The following CHN2 variants were observed in gnomAD, a reference collection of about 807,000 sequenced individuals.
CHN2 encodes the protein chimerin 2.
A neutral mutation model predicts 56.3 loss-of-function variants in CHN2; 35 were observed. That is an observed-to-expected ratio of 0.62 (90% CI 0.47 to 0.82). The LOEUF (loss-of-function observed/expected upper bound fraction) is 0.82, where lower values mean the gene tolerates loss of function less well. Among genes scored for constraint, CHN2 ranks in the 40% least tolerant of loss-of-function variants. CHN2 has a pLI of 0.00. For missense variants in CHN2, 491 were observed against 580.5 expected (o/e 0.85, Z 1.58); for synonymous variants, 210 against 212.8 (o/e 0.99, Z 0.12).
chr7:29,384,065 G>T (rs1350549856), intron 3 of CHN2, among the ~76,000 whole-genome samples: 2 of 152,136 alleles, frequency 1.3e-5, no homozygotes, highest in Admixed American at 1.3e-4. Flanking sequence ...TCTAGCTTGG[G>T]CATTGAGTGG....
chr7:29,305,805 T>TTCCTCCTCGTCTTTCTCC (rs1554397328), intron 1 of CHN2, among the ~76,000 whole-genome samples: 47 of 130,710 alleles, frequency 3.6e-4, no homozygotes, highest in African/African-American at 7.1e-4. Flanking sequence ...CTCCCGTTCC[T>TTCCTCCTCGTCTTTCTCC]TCCTCCTCGT....
chr7:29,176,988 GA>G (rs946292652), intron 2 of CHN2, among the ~76,000 whole-genome samples: 36 of 151,460 alleles, frequency 2.4e-4, no homozygotes, highest in African/African-American at 7.7e-4. Context: ...AAATGGGAAT[GA>G]AAAAAAATCA....
chr7:29,509,844 C>CAAA (rs34925686), intron 12 of CHN2, among the ~76,000 whole-genome samples: 80 of 134,154 alleles, frequency 6.0e-4, no homozygotes, highest in East Asian at 1.8e-3. Flanking sequence ...GACTCCATCT[C>CAAA]AAAAAAAAAA....
chr7:29,405,114 G>A (rs1486715655), intron 6 of CHN2, among the ~76,000 whole-genome samples: 2 of 143,004 alleles, frequency 1.4e-5, no homozygotes, highest in Non-Finnish European at 3.0e-5. Flanking sequence ...ATACATTAAA[G>A]CATACCCTGA....
chr7:29,483,082 A>C (rs1251292128), intron 7 of CHN2, among the ~76,000 whole-genome samples: 1 of 151,674 alleles, frequency 6.6e-6, no homozygotes. Flanking sequence ...CGGCCTCCCA[A>C]AGTGCTAGGA....
rs529446117 is a variant in CHN2 at position 29,195,470 on chromosome 7, A to G, written c.49+480A>G. On this transcript the variant is annotated intron_variant, in intron 1 of 12. Transcript: ENST00000222792. Reference sequence around the variant, plus strand: ...TTTGTTTGTTTCAGAAATTAGCTCTATGGAGACACTCGCTTGGGCATGGGT... The same window carrying G: ...TTTGTTTGTTTCAGAAATTAGCTCTGTGGAGACACTCGCTTGGGCATGGGT... 5 of 158,936 alleles carry G rather than the reference A, an allele frequency of 3.1e-5. No homozygotes were observed. In the East Asian group the frequency reaches 5.7e-4, roughly 18 times the overall value. 9.8% of individuals were successfully genotyped at this position (158,936 alleles called of 1,614,324 possible).
At chr7:29,496,711 A>G (rs1304715690) in intron 8 of CHN2, among the ~76,000 whole-genome samples, 2 of 152,218 alleles carry the variant, frequency 1.3e-5, no homozygotes, top group African/African-American at 4.8e-5. Flanking sequence ...GTGATTTTCC[A>G]TCTGGAATTG....
At chr7:29,148,983 A>G (rs1174070285) in intron 2 of CHN2, among the ~76,000 whole-genome samples, 1 of 152,164 alleles carries the variant, frequency 6.6e-6, no homozygotes, top group East Asian at 1.9e-4. Flanking sequence ...GTGGCAGCAC[A>G]GGCAATGAGC....
upstream of CHN2, chr7:29,193,280 C>T (rs1242716027): frequency 1.3e-5 from 2 of 151,820 alleles, no homozygotes; most frequent in Non-Finnish European, 2.9e-5. Context: ...AAGTTCTAAT[C>T]AACTAGAAAA....
intron 1 of CHN2, among the ~76,000 whole-genome samples, chr7:29,209,437 A>G (rs1206792628): frequency 6.6e-6 from 1 of 152,224 alleles, no homozygotes; most frequent in Non-Finnish European, 1.5e-5. Flanking sequence ...CTGCTAACCT[A>G]CTACATTAAG....
intron 1 of CHN2, chr7:29,212,792 G>A: frequency 1.2e-6 from 2 of 1,609,792 alleles, no homozygotes; most frequent in Non-Finnish European, 1.7e-6. Flanking sequence ...TAGCAATGGT[G>A]TGACTCGGAA....
chr7:29,330,679 G>A (rs1052190525), intron 1 of CHN2, among the ~76,000 whole-genome samples: 6 of 152,130 alleles, frequency 3.9e-5, no homozygotes, highest in East Asian at 1.9e-4. Context: ...GTGTGCAGGC[G>A]TATTATATGA....
chr7:29,263,732 T>C (rs979321524), intron 1 of CHN2, among the ~76,000 whole-genome samples: 2 of 148,326 alleles, frequency 1.3e-5, no homozygotes, highest in Non-Finnish European at 3.0e-5. Flanking sequence ...TCATCTGGGA[T>C]GTGGGGAGCG....
At chr7:29,316,396 G>C (rs979693221) in intron 1 of CHN2, among the ~76,000 whole-genome samples, 1 of 152,058 alleles carries the variant, frequency 6.6e-6, no homozygotes, top group African/African-American at 2.4e-5. Flanking sequence ...CCCTTCATTA[G>C]AGATAAGTAT....
intron 6 of CHN2, among the ~76,000 whole-genome samples, chr7:29,449,679 G>C (rs1019465275): frequency 6.6e-5 from 10 of 152,196 alleles, no homozygotes; most frequent in Non-Finnish European, 1.5e-4. Context: ...ACAGTGCCTG[G>C]CTTATAGTTA....
At chr7:29,235,786 A>G (rs1787146874) in intron 1 of CHN2, among the ~76,000 whole-genome samples, 1 of 152,212 alleles carries the variant, frequency 6.6e-6, no homozygotes, top group South Asian at 2.1e-4. Context: ...TCATACAGGA[A>G]CTGACAACCA....
chr7:29,197,891 G>C (rs1243199696), intron 1 of CHN2: 1 of 456,074 alleles, frequency 2.2e-6, no homozygotes, highest in African/African-American at 2.0e-5. Flanking sequence ...TATGAGTTGG[G>C]CCTTGAAAGC....
chr7:29,234,950 G>C (rs562456448), intron 1 of CHN2, among the ~76,000 whole-genome samples: 1 of 152,122 alleles, frequency 6.6e-6, no homozygotes, highest in African/African-American at 2.4e-5. Flanking sequence ...AGCATAGGAG[G>C]GGGTATGCTG....
chr7:29,381,680 T>C (rs1032185316), intron 3 of CHN2, among the ~76,000 whole-genome samples: 2 of 151,512 alleles, frequency 1.3e-5, no homozygotes, highest in African/African-American at 4.9e-5. Context: ...TGGGTGTGAG[T>C]CAGAATCACC....
Sources: gnomAD v4.1 joint callset for allele counts (sites outside exome capture counted in the v4.1 genomes callset) on GRCh38, gnomAD v4.1.1 for gene constraint, MANE v1.5 for transcripts, NCBI Gene and HGNC (gene_info 2026-07-23, HGNC 2026-07-21) for gene names.